The following CACNA1D variants were observed in gnomAD, a reference collection of about 807,000 sequenced individuals.
The protein encoded by CACNA1D is voltage-dependent L-type calcium channel subunit alpha-1D.
In CACNA1D, 55 loss-of-function variants were observed where a neutral mutation model predicts 257.1. The observed-to-expected ratio is 0.21, with a 90% confidence interval of 0.17 to 0.27. The LOEUF (loss-of-function observed/expected upper bound fraction) is 0.27, where lower values mean the gene tolerates loss of function less well. Ranked by LOEUF, CACNA1D falls within the 10% of genes least tolerant of loss-of-function variation. CACNA1D has a pLI of 1.00. For synonymous variants in CACNA1D, 980 were observed against 1,014.9 expected, an observed-to-expected ratio of 0.97 and a Z score of 0.65; for missense variants, 1,876 against 2,784.0, an observed-to-expected ratio of 0.67 and a Z score of 7.34.
At chr3:53,700,571 C>G (rs762604356) in intron 8 of CACNA1D, among the ~76,000 whole-genome samples, 5 of 152,174 alleles carry the variant, frequency 3.3e-5, no homozygotes, top group Non-Finnish European at 7.3e-5. Flanking sequence ...CTAGAAACCC[C>G]AAACCATTCT....
chr3:53,795,905 T>C (rs2095505579), intron 40 of CACNA1D, among the ~76,000 whole-genome samples: 1 of 152,182 alleles, frequency 6.6e-6, no homozygotes, highest in South Asian at 2.1e-4. Flanking sequence ...TACCCCTGAC[T>C]TTTCAGTGAG....
intron 3 of CACNA1D, among the ~76,000 whole-genome samples, chr3:53,505,537 A>G (rs774951440): frequency 2.0e-5 from 3 of 152,194 alleles, no homozygotes; most frequent in Non-Finnish European, 4.4e-5. Flanking sequence ...AGTATTGCTG[A>G]TGTGCACCAA....
At chr3:53,696,617 G>A (rs72975466) in intron 8 of CACNA1D, among the ~76,000 whole-genome samples, 2,337 of 152,262 alleles carry the variant, frequency 0.015, 61 homozygotes, top group African/African-American at 0.053. Flanking sequence ...ATTTGGATGG[G>A]GTAAGCCAGA....
At chr3:53,627,119 A>G (rs2093768096) in intron 3 of CACNA1D, among the ~76,000 whole-genome samples, 1 of 152,236 alleles carries the variant, frequency 6.6e-6, no homozygotes, top group East Asian at 1.9e-4. Context: ...TCTGACAGGC[A>G]TCTACGTGCA....
intron 45 of CACNA1D, among the ~76,000 whole-genome samples, chr3:53,806,069 TTC>T (rs575261671): frequency 7.2e-6 from 1 of 138,324 alleles, no homozygotes; most frequent in Admixed American, 7.1e-5. Context: ...CTCCCTCATT[TTC>T]TCTCATCTTC....
At chr3:53,733,912 T>TTG (rs1173678143) in intron 19 of CACNA1D, among the ~76,000 whole-genome samples, 15 of 111,202 alleles carry the variant, frequency 1.3e-4, no homozygotes, top group African/African-American at 4.6e-4. Context: ...CTACAGCCCT[T>TTG]TGTGTGTGTG....
At chr3:53,684,538 G>A (rs527347982) in intron 8 of CACNA1D, among the ~76,000 whole-genome samples, 5 of 148,114 alleles carry the variant, frequency 3.4e-5, no homozygotes, top group South Asian at 4.2e-4. Context: ...CAGGAGAATC[G>A]CTTGAACCTG....
chr3:53,803,672 C>T, intron 44 of CACNA1D, 100 bp downstream of exon 44: 1 of 1,189,256 alleles, frequency 8.4e-7, no homozygotes, highest in Non-Finnish European at 1.2e-6. Context: ...CTTGGGCTTC[C>T]CCTAAAAAGC....
intron 3 of CACNA1D, among the ~76,000 whole-genome samples, chr3:53,625,428 G>A (rs1208144999): frequency 6.6e-6 from 1 of 152,168 alleles, no homozygotes; most frequent in Non-Finnish European, 1.5e-5. Context: ...CATGCCTCTT[G>A]TCTCCAGCAC....
intron 8 of CACNA1D, among the ~76,000 whole-genome samples, chr3:53,685,445 A>G (rs982256686): frequency 6.6e-6 from 1 of 152,192 alleles, no homozygotes; most frequent in African/African-American, 2.4e-5. Context: ...TCTAGATTAT[A>G]TTTAGATTGG....
At chr3:53,637,217 C>T (rs2093894633) in intron 3 of CACNA1D, among the ~76,000 whole-genome samples, 1 of 152,178 alleles carries the variant, frequency 6.6e-6, no homozygotes, top group African/African-American at 2.4e-5. Context: ...GGGTGCTTGC[C>T]CTGCAGACTG....
chr3:53,702,495 A>G, intron 8 of CACNA1D, 146 bp from the exon 9 acceptor site: 1 of 755,372 alleles, frequency 1.3e-6, no homozygotes, highest in South Asian at 1.7e-5. Context: ...GTCCTGTCCA[A>G]GTGTGTGGCT....
At chr3:53,756,103 G>A (rs1281387696) in intron 29 of CACNA1D, among the ~76,000 whole-genome samples, 1 of 152,184 alleles carries the variant, frequency 6.6e-6, no homozygotes, top group African/African-American at 2.4e-5. Context: ...TCTGTTAGGG[G>A]ACACAGGCTG....
chr3:53,707,183 C>A (rs3774542), intron 9 of CACNA1D, among the ~76,000 whole-genome samples: 1 of 152,024 alleles, frequency 6.6e-6, no homozygotes, highest in South Asian at 2.1e-4. Flanking sequence ...TCACTGCATG[C>A]GTCTGCGATG....
intron 3 of CACNA1D, among the ~76,000 whole-genome samples, chr3:53,612,127 TATG>T (rs1198634362): frequency 2.6e-5 from 4 of 152,236 alleles, no homozygotes; most frequent in Non-Finnish European, 4.4e-5. Context: ...TGAATAAAAT[TATG>T]ATAGCTGATT....
chr3:53,679,971 C>G (rs944883857), intron 8 of CACNA1D, among the ~76,000 whole-genome samples: 10 of 152,146 alleles, frequency 6.6e-5, no homozygotes, highest in African/African-American at 2.4e-4. Context: ...AATAAAGAAC[C>G]TAGCTAAACA....
intron 29 of CACNA1D, among the ~76,000 whole-genome samples, chr3:53,761,372 A>G (rs2095300794): frequency 6.6e-6 from 1 of 152,200 alleles, no homozygotes; most frequent in African/African-American, 2.4e-5. Flanking sequence ...TGTCTCTGCC[A>G]CGACGCTGTG....
At chr3:53,784,485 C>G (rs1310672195) in intron 39 of CACNA1D, among the ~76,000 whole-genome samples, 2 of 152,174 alleles carry the variant, frequency 1.3e-5, no homozygotes, top group African/African-American at 4.8e-5. Context: ...CTAATTAGCA[C>G]AGTGTCTCAA....
intron 3 of CACNA1D, among the ~76,000 whole-genome samples, chr3:53,559,343 G>T (rs142817526): frequency 6.6e-6 from 1 of 152,082 alleles, no homozygotes; most frequent in Non-Finnish European, 1.5e-5. Context: ...TCTTTTGATT[G>T]TCTTTTTCCT....
Sources: gnomAD v4.1 joint callset for allele counts (sites outside exome capture counted in the v4.1 genomes callset) on GRCh38, gnomAD v4.1.1 for gene constraint, MANE v1.5 for transcripts, NCBI Gene and HGNC (gene_info 2026-07-23, HGNC 2026-07-21) for gene names.